The following SLCO1A2 variants were observed in gnomAD, a reference collection of about 807,000 sequenced individuals.
SLCO1A2 encodes solute carrier organic anion transporter family member 1A2, also known as OATP-1.
In SLCO1A2, 67 loss-of-function variants were observed where a neutral mutation model predicts 69.0. That is an observed-to-expected ratio of 0.97 (90% CI 0.80 to 1.19). SLCO1A2 has a LOEUF of 1.19. SLCO1A2 is among the 50% of genes most tolerant of loss of function. SLCO1A2 has a pLI of 0.00. For synonymous variants in SLCO1A2, 260 were observed against 265.9 expected, an observed-to-expected ratio of 0.98 and a Z score of 0.22; for missense variants, 787 against 793.7, an observed-to-expected ratio of 0.99 and a Z score of 0.10.
intron 4 of SLCO1A2, among the ~76,000 whole-genome samples, chr12:21,312,247 C>T (rs192194003): frequency 6.6e-6 from 1 of 152,200 alleles, no homozygotes; most frequent in African/African-American, 2.4e-5. Context: ...GTTATAAAGA[C>T]AGCTTCTTTC....
chr12:21,394,706 T>G (rs1941346302), intron 1 of SLCO1A2, among the ~76,000 whole-genome samples: 1 of 151,982 alleles, frequency 6.6e-6, no homozygotes, highest in Non-Finnish European at 1.5e-5. Flanking sequence ...GAAGAAAAAG[T>G]GCTTAGAATG....
At chr12:21,358,223 G>A (rs924802318) in intron 2 of SLCO1A2, among the ~76,000 whole-genome samples, 4 of 152,120 alleles carry the variant, frequency 2.6e-5, no homozygotes, top group African/African-American at 9.7e-5. Context: ...GTGAATCTGT[G>A]ATACAAAGAG....
At chr12:21,295,419 T>G in intron 10 of SLCO1A2, 178 bp downstream of exon 10, 1 of 561,162 alleles carries the variant, frequency 1.8e-6, no homozygotes, top group Non-Finnish European at 3.2e-6. Flanking sequence ...ACCTCATTAA[T>G]AAGCCTAGAG....
At chr12:21,407,752 AG>A (rs1250798170) in intron 1 of SLCO1A2, among the ~76,000 whole-genome samples, 1 of 151,780 alleles carries the variant, frequency 6.6e-6, no homozygotes, top group Non-Finnish European at 1.5e-5. Context: ...GACTGCAGTG[AG>A]CCAAGATTGT....
chr12:21,378,777 T>A, intron 1 of SLCO1A2: 1 of 200,488 alleles, frequency 5.0e-6, no homozygotes, highest in South Asian at 8.9e-5. Flanking sequence ...ATTCTTGACA[T>A]GAGAAAATCA....
At chr12:21,296,421 AT>A (rs1195618647) in intron 9 of SLCO1A2, among the ~76,000 whole-genome samples, 19 of 152,018 alleles carry the variant, frequency 1.2e-4, no homozygotes, top group Non-Finnish European at 1.5e-5. Context: ...AAAAACAAAA[AT>A]TGCAGAGACA....
Position 21,319,310 on chromosome 12 carries a change from AC to A in SLCO1A2, c.61-388del, listed in dbSNP as rs1951282601. 2.2e-6 allele frequency: 3 copies of A among 1,346,204 alleles called. No individual in the cohort carries two copies. In the South Asian group the frequency reaches 3.4e-5, roughly 15 times the overall value. 83.4% of individuals were successfully genotyped at this position (1,346,204 alleles called of 1,614,324 possible). ...AGAAAGAATGCAGAATTATACAAAG[AC>A]ATTATTTCGGTAGCAAATATACTTA... On this transcript the variant is annotated intron_variant, in intron 2 of 14. Transcript: ENST00000683939.
chr12:21,316,405 G>C (rs985957735), intron 3 of SLCO1A2, among the ~76,000 whole-genome samples: 1 of 151,594 alleles, frequency 6.6e-6, no homozygotes, highest in African/African-American at 2.4e-5. Flanking sequence ...ATCCCCTATC[G>C]TCGCTCCTAC....
chr12:21,270,725 ATT>A (rs1422551807), intron 14 of SLCO1A2, among the ~76,000 whole-genome samples: 2 of 142,908 alleles, frequency 1.4e-5, no homozygotes, highest in Non-Finnish European at 3.1e-5. Context: ...TATATAATTA[ATT>A]GTCTAGAAAA....
upstream of SLCO1A2, among the ~76,000 whole-genome samples, chr12:21,398,073 A>G (rs1333993458): frequency 7.3e-6 from 1 of 136,698 alleles, no homozygotes; most frequent in Non-Finnish European, 1.6e-5. Flanking sequence ...CAAAAAATTA[A>G]TGAATCCAGG....
rs982039450 is a variant in SLCO1A2 at position 21,266,339 on chromosome 12, A to G, written c.*3209T>C. ...GTTGAACTGATTTGTTATTCTTAATATATTTATTCAGCTGCAATCCCTAGT... is the reference window on the plus strand; with the variant it reads ...GTTGAACTGATTTGTTATTCTTAATGTATTTATTCAGCTGCAATCCCTAGT... On this transcript the variant is annotated 3_prime_UTR_variant, in exon 15 of 15. Transcript: ENST00000683939. 4 of 152,134 alleles carry G rather than the reference A, an allele frequency of 2.6e-5. No homozygotes were observed. Among genetic ancestry groups the G allele is most frequent in the Non-Finnish European group, 4.4e-5 (3 of 68,018 alleles). 9.4% of individuals were successfully genotyped at this position (152,134 alleles called of 1,614,324 possible).
chr12:21,313,053 C>G (rs138183359), intron 4 of SLCO1A2, among the ~76,000 whole-genome samples: 3 of 152,138 alleles, frequency 2.0e-5, no homozygotes, highest in African/African-American at 7.2e-5. Context: ...ACCACTACAC[C>G]CCACCTTGGG....
chr12:21,388,030 G>A (rs1940972651), intron 1 of SLCO1A2, among the ~76,000 whole-genome samples: 1 of 152,146 alleles, frequency 6.6e-6, no homozygotes. Context: ...ACTTATGTTG[G>A]GCCTGTAGCC....
chr12:21,305,229 G>C (rs1949216636), intron 5 of SLCO1A2, among the ~76,000 whole-genome samples: 1 of 152,154 alleles, frequency 6.6e-6, no homozygotes, highest in Admixed American at 6.5e-5. Context: ...ACAAAGACTA[G>C]ACCAAAGGGA....
intron 2 of SLCO1A2, among the ~76,000 whole-genome samples, chr12:21,345,108 T>C (rs957388824): frequency 6.6e-6 from 1 of 151,972 alleles, no homozygotes; most frequent in African/African-American, 2.4e-5. Context: ...TCTTCAAGCA[T>C]TGGAGGGCTT....
At chr12:21,415,540 A>G (rs1941975521) in intron 1 of SLCO1A2, among the ~76,000 whole-genome samples, 1 of 152,066 alleles carries the variant, frequency 6.6e-6, no homozygotes, top group Non-Finnish European at 1.5e-5. Flanking sequence ...TCATTTCTGA[A>G]GAACAATTTG....
At chr12:21,413,457 G>C (rs751742988) in intron 1 of SLCO1A2, among the ~76,000 whole-genome samples, 1 of 151,760 alleles carries the variant, frequency 6.6e-6, no homozygotes, top group East Asian at 1.9e-4. Context: ...GGCCAGGCTG[G>C]TCTCCAACTC....
upstream of SLCO1A2, among the ~76,000 whole-genome samples, chr12:21,397,539 GA>G (rs1000264675): frequency 1.4e-4 from 22 of 152,186 alleles, no homozygotes; most frequent in African/African-American, 4.8e-4. Flanking sequence ...GACATCTACA[GA>G]ACCCTCCACC....
At chr12:21,329,271 T>A (rs1268868037) in intron 2 of SLCO1A2, among the ~76,000 whole-genome samples, 3 of 152,174 alleles carry the variant, frequency 2.0e-5, no homozygotes, top group African/African-American at 7.2e-5. Context: ...TAATAGTTAC[T>A]TGGTTTTGCC....
Sources: gnomAD v4.1 joint callset for allele counts (sites outside exome capture counted in the v4.1 genomes callset) on GRCh38, gnomAD v4.1.1 for gene constraint, MANE v1.5 for transcripts, NCBI Gene and HGNC (gene_info 2026-07-23, HGNC 2026-07-21) for gene names.